Variants in PCDHAC1 observed in about 807,000 individuals in gnomAD.
PCDHAC1 encodes protocadherin alpha-C1.
Under a neutral mutation model 60.0 loss-of-function variants are expected in PCDHAC1, and 42 were observed. The ratio of observed to expected loss-of-function variants is 0.70; its 90% CI spans 0.55 to 0.90. PCDHAC1 has a LOEUF of 0.90. Among genes scored for constraint, PCDHAC1 ranks in the 40% least tolerant of loss-of-function variants. PCDHAC1 has a pLI of 0.00. For synonymous variants in PCDHAC1, 468 were observed against 499.3 expected (o/e 0.94, Z 0.84); for missense variants, 1,160 against 1,222.3 (o/e 0.95, Z 0.76).
chr5:140,991,503 T>C (rs975448423), intron 3 of PCDHAC1, among the ~76,000 whole-genome samples: 6 of 152,246 alleles, frequency 3.9e-5, no homozygotes, highest in Non-Finnish European at 7.3e-5. Context: ...TGAGTTTCAC[T>C]GGCTAAAATC....
intron 3 of PCDHAC1, among the ~76,000 whole-genome samples, chr5:140,997,328 G>A (rs76646758): frequency 0.013 from 1,948 of 152,070 alleles, 47 homozygotes; most frequent in African/African-American, 0.045. Flanking sequence ...CAGTTTTTTC[G>A]TTGTACAAAT....
chr5:140,994,156 C>T (rs926993777), intron 3 of PCDHAC1, among the ~76,000 whole-genome samples: 25 of 152,124 alleles, frequency 1.6e-4, no homozygotes, highest in African/African-American at 4.1e-4. Context: ...GTAGGGTCAA[C>T]GAAGGGGAAG....
intron 3 of PCDHAC1, chr5:140,989,112 T>C (rs1312650713): frequency 1.3e-5 from 2 of 152,222 alleles, no homozygotes; most frequent in Non-Finnish European, 2.9e-5. Context: ...CTTTTGAATA[T>C]ATCTTAGAAA....
chr5:140,963,365 T>C (rs2095759439), intron 1 of PCDHAC1, among the ~76,000 whole-genome samples: 1 of 152,254 alleles, frequency 6.6e-6, no homozygotes. Flanking sequence ...CAAAGAACAT[T>C]AATTGAGCAC....
chr5:140,927,058 C>T lies in PCDHAC1; in HGVS notation c.166C>T (p.Arg56Cys), dbSNP rs376173105. The change falls in exon 1 of 4, where the codon CGC (arginine) becomes TGC (cysteine). Residue 56 changes from arginine to cysteine, a missense_variant. Physicochemically the swap from Arg to Cys is radical, Grantham distance 180. Around this residue, in one of 3 missense-constraint regions of PCDHAC1, gnomAD observed 1,113 missense variants for 1,163.7 expected, o/e 0.96. Transcript: ENST00000253807. Reference sequence around the variant, plus strand: ...GGCCGCTATGTCCTCGCGGAACTTTCGCTTCCTTTCCAGCCACCGCGAGCT... The same window carrying T: ...GGCCGCTATGTCCTCGCGGAACTTTTGCTTCCTTTCCAGCCACCGCGAGCT... ...PAAAMSSRNF[R>C]FLSSHRELYF... 2 of 1,611,256 alleles carry T rather than the reference C, an allele frequency of 1.2e-6. No individual in the cohort carries two copies. The highest frequency in any genetic ancestry group is 1.3e-5 in the African/African-American group (1 of 75,010).
chr5:140,929,191 A>G lies in PCDHAC1; in HGVS notation c.2299A>G (p.Asn767Asp). 6.2e-7 allele frequency: 1 copy of G among 1,614,118 alleles called. No homozygotes were observed. Among genetic ancestry groups the G allele is most frequent in the Non-Finnish European group, 8.5e-7 (1 of 1,180,006 alleles). ...RASLGLGSDN[N>D]SLLLRGEYNA... ...CTCTCTGGGACTTGGTTCTGATAATAACAGTTTGCTGTTGCGTGGGGAGTA... is the reference window on the plus strand; with the variant it reads ...CTCTCTGGGACTTGGTTCTGATAATGACAGTTTGCTGTTGCGTGGGGAGTA... The change falls in exon 1 of 4, where the codon AAC becomes GAC. Residue 767 changes from asparagine (N) to aspartate (D), a missense_variant. Coordinates refer to ENST00000253807, the MANE Select transcript of PCDHAC1 (RefSeq NM_018898.5).
chr5:140,975,514 C>T (rs549258421), intron 1 of PCDHAC1, among the ~76,000 whole-genome samples: 2 of 152,304 alleles, frequency 1.3e-5, no homozygotes, highest in African/African-American at 4.8e-5. Flanking sequence ...TATGCAAAAT[C>T]TGCAGTGGAT....
rs2098418726 is a variant in PCDHAC1 at position 141,010,899 on chromosome 5, C to T, written c.*962C>T. 2 of 153,680 alleles carry T rather than the reference C, an allele frequency of 1.3e-5. No individual in the cohort carries two copies. Among genetic ancestry groups the T allele is most frequent in the Admixed American group, 6.6e-5 (1 of 15,264 alleles). The allele number at this position is 153,680 out of a possible 1,614,324, so 9.5% of individuals were successfully genotyped here. ...TTTAAAGAGAAATATGAATACAATT[C>T]CCCTAAACTCTCCTCAAAAGAGAAT... On this transcript the variant is annotated 3_prime_UTR_variant, in exon 4 of 4. Coordinates refer to ENST00000253807, the MANE Select transcript of PCDHAC1 (RefSeq NM_018898.5).
chr5:140,966,934 G>A (rs782780798), intron 1 of PCDHAC1: 6 of 1,604,080 alleles, frequency 3.7e-6, no homozygotes, highest in South Asian at 2.2e-5. Flanking sequence ...CACCCGGCGC[G>A]CTCGTGGGCA....
chr5:140,972,947 C>T (rs1287629621), intron 1 of PCDHAC1, among the ~76,000 whole-genome samples: 1 of 152,096 alleles, frequency 6.6e-6, no homozygotes, highest in African/African-American at 2.4e-5. Context: ...CAGATGTGAG[C>T]CACCATGCCC....
chr5:140,930,412 G>T (rs1327423423), intron 1 of PCDHAC1: 1 of 148,866 alleles, frequency 6.7e-6, no homozygotes, highest in Non-Finnish European at 1.5e-5. Context: ...TTTTGAGACA[G>T]GGGTCTCACT....
rs2084535217 is a variant in PCDHAC1 at position 140,927,705 on chromosome 5, C to T, written c.813C>T (p.Ser271=). ...DEGSNGEVQY[S]LSNSTQAELR... is the part of the protein sequence containing the mutation. Reference sequence around the variant, plus strand: ...GGTCCAATGGGGAAGTCCAGTACTCCCTAAGCAACAGCACGCAAGCAGAGC... The same window carrying T: ...GGTCCAATGGGGAAGTCCAGTACTCTCTAAGCAACAGCACGCAAGCAGAGC... The change falls in exon 1 of 4, where the codon TCC becomes TCT. Residue 271 remains serine (S), a synonymous_variant. Coordinates refer to ENST00000253807, the MANE Select transcript of PCDHAC1 (RefSeq NM_018898.5). The T allele has an allele frequency of 6.2e-7, 1 of 1,614,100 alleles. No homozygotes were observed. Among genetic ancestry groups the T allele is most frequent in the African/African-American group, 1.3e-5 (1 of 74,942 alleles).
rs536794003 is a variant in PCDHAC1, at chr5:140,982,215, G to A, written c.2493-260G>A. Reference sequence around the variant, plus strand: ...CTGTTAGATTTAGTGAGCGCCACATGGCGTTAATAAAAAACAGAATTGCCA... The same window carrying A: ...CTGTTAGATTTAGTGAGCGCCACATAGCGTTAATAAAAAACAGAATTGCCA... On this transcript the variant is annotated intron_variant, in intron 2 of 3. Coordinates refer to ENST00000253807, the MANE Select transcript of PCDHAC1 (RefSeq NM_018898.5). The A allele has an allele frequency of 2.0e-5, 10 of 491,624 alleles. No individual in the cohort carries two copies. In the South Asian group the frequency reaches 3.6e-4, roughly 18 times the overall value. The allele number at this position is 491,624 out of a possible 1,614,324, so 30.5% of individuals were successfully genotyped here. A position where few individuals can be genotyped will look rare whatever the true frequency, so the allele number is the denominator to read the frequency against.
At chr5:140,931,547 T>C (rs2087587732) in intron 1 of PCDHAC1, among the ~76,000 whole-genome samples, 1 of 152,064 alleles carries the variant, frequency 6.6e-6, no homozygotes, top group Admixed American at 6.5e-5. Flanking sequence ...ACTGTTCATA[T>C]GTGCAGGAAT....
intron 1 of PCDHAC1, chr5:140,967,413 A>C: frequency 6.2e-7 from 1 of 1,613,218 alleles, no homozygotes; most frequent in Non-Finnish European, 8.5e-7. Context: ...AAGGGCCTAG[A>C]CCGGGAGCAG....
chr5:140,967,218 C>T, intron 1 of PCDHAC1: 3 of 1,613,744 alleles, frequency 1.9e-6, no homozygotes, highest in South Asian at 1.1e-5. Flanking sequence ...TTCCCGCGGC[C>T]CAACTACCAG....
At chr5:140,976,011 C>A (rs983997714) in intron 1 of PCDHAC1, among the ~76,000 whole-genome samples, 10 of 152,230 alleles carry the variant, frequency 6.6e-5, no homozygotes, top group Admixed American at 1.3e-4. Flanking sequence ...TATTAAAGAA[C>A]TAAATAATCA....
chr5:141,002,497 CT>C (rs1310638544), intron 3 of PCDHAC1, among the ~76,000 whole-genome samples: 1 of 152,204 alleles, frequency 6.6e-6, no homozygotes, highest in Non-Finnish European at 1.5e-5. Flanking sequence ...TGTTATACAG[CT>C]CAGGATCTGA....
Position 140,928,095 on chromosome 5 carries a change from G to T in PCDHAC1, c.1203G>T (p.Gly401=), listed in dbSNP as rs782045221. The part of the protein sequence containing the change: ...FDNYYSLLID[G]PLDREQISEY... ...ACTACTACAGCCTGCTGATTGATGG[G>T]CCCCTGGACCGGGAGCAGATCAGTG... The change falls in exon 1 of 4, where the codon GGG becomes GGT. Residue 401 remains glycine, a synonymous_variant. Transcript: ENST00000253807. 3 of 1,614,190 alleles carry T rather than the reference G, an allele frequency of 1.9e-6. No individual in the cohort carries two copies. The highest frequency in any genetic ancestry group is 1.7e-6 in the Non-Finnish European group (2 of 1,180,042).
Sources: allele counts gnomAD v4.1 joint callset (sites outside exome capture counted in the v4.1 genomes callset), GRCh38; gene constraint gnomAD v4.1.1; regional missense constraint gnomAD v4.1.1; transcripts MANE v1.5; gene names NCBI Gene and HGNC (gene_info 2026-07-23, HGNC 2026-07-21).